The following BHLHE40 variants were observed in gnomAD, a reference collection of about 807,000 sequenced individuals.
BHLHE40 encodes class E basic helix-loop-helix protein 40.
A neutral mutation model predicts 35.7 loss-of-function variants in BHLHE40; 3 were observed. That is an observed-to-expected ratio of 0.08 (90% confidence interval 0.04 to 0.22). The LOEUF (loss-of-function observed/expected upper bound fraction) is 0.22. Ranked by LOEUF, BHLHE40 falls within the 10% of genes least tolerant of loss-of-function variation. BHLHE40 has a pLI of 1.00. For missense variants in BHLHE40, 486 were observed against 524.0 expected (o/e 0.93, Z 0.71); for synonymous variants, 236 against 213.0 (o/e 1.11, Z -0.94).
chr3:4,982,750 C>A, intron 4 of BHLHE40, 86 bp from the exon 5 acceptor site: 2 of 1,502,986 alleles, frequency 1.3e-6, no homozygotes, highest in Non-Finnish European at 1.8e-6. Flanking sequence ...TTAACAAAAA[C>A]TAAAGCACCT....
intron 3 of BHLHE40, 56 bp from the exon 4 acceptor site, chr3:4,981,336 T>C: frequency 6.3e-7 from 1 of 1,575,992 alleles, no homozygotes. Context: ...CTAATAAATG[T>C]CCCAAAGGTG....
chr3:4,982,819 G>A lies in BHLHE40; in HGVS notation c.383-17G>A, dbSNP rs140413407. 1,056 of 1,613,610 alleles carry A rather than the reference G, an allele frequency of 6.5e-4. 3 individuals are homozygous for A. The Middle Eastern group carries it at 9.5e-3, about 14-fold the overall frequency. On this transcript the variant is annotated splice_polypyrimidine_tract_variant and intron_variant, in intron 4 of 4. Transcript: ENST00000256495. The stretch of plus-strand genomic sequence containing the variant: ...AGGCCTTCTGAAACGTTTTCCTTCG[G>A]ATTTTTCTTTCCCCAGGTGAGCTGT...
intron 3 of BHLHE40, 44 bp downstream of exon 3, chr3:4,980,452 G>A: frequency 6.4e-7 from 1 of 1,550,916 alleles, no homozygotes; most frequent in Non-Finnish European, 8.9e-7. Flanking sequence ...CCTTTGCCCA[G>A]AGGGCGGGCG....
In BHLHE40 at chr3:4,984,911, TTATAAA is replaced by T. The variant is rs1202169480; in HGVS notation, c.*1224_*1229del. On this transcript the variant is annotated 3_prime_UTR_variant, in exon 5 of 5. Coordinates refer to ENST00000256495, the MANE Select transcript of BHLHE40 (RefSeq NM_003670.3). ...GTCGTTGCCTTTATTTGTAAAGCTG[TTATAAA>T]TATATATTATATAAATATATTAAAA... 3.3e-5 allele frequency: 5 copies of T among 151,930 alleles called. No individual in the cohort carries two copies. The highest frequency in any genetic ancestry group is 5.9e-5 in the Non-Finnish European group (4 of 67,850). 9.4% of individuals were successfully genotyped at this position (151,930 alleles called of 1,614,324 possible).
rs751666245 is a variant in BHLHE40, at chr3:4,979,811, T to C, written c.80+13T>C. The C allele has an allele frequency of 2.5e-6, 4 of 1,588,656 alleles. No homozygotes were observed. The Admixed American group carries it at 7.1e-5, about 28-fold the overall frequency. On this transcript the variant is annotated intron_variant, in intron 1 of 4. Transcript: ENST00000256495. ...GAGACCTACCAGGGTAAGTTGGCAC[T>C]CCTTGGCCCTTCAAGCCTCAACTGC...
chr3:4,983,203 G>C lies in BHLHE40; in HGVS notation c.750G>C (p.Glu250Asp). The part of the protein sequence containing the change: ...DTDSGYGGES[E>D]KGDLRSEQPC... ...ACAGTGGCTATGGAGGAGAATCGGAGAAGGGCGACTTGCGCAGTGAGCAGC... is the reference window on the plus strand; with the variant it reads ...ACAGTGGCTATGGAGGAGAATCGGACAAGGGCGACTTGCGCAGTGAGCAGC... The change falls in exon 5 of 5, where the codon GAG becomes GAC. Residue 250 changes from glutamate (E) to aspartate (D), a missense_variant. By Grantham distance (45) the Glu-to-Asp change is conservative. Transcript: ENST00000256495. This position sits in a 1 kb window ranked among gnomAD's most constrained non-coding sequence, Gnocchi z 5.0. 1 of 1,614,220 alleles carries C rather than the reference G, an allele frequency of 6.2e-7. No homozygotes were observed. The highest frequency in any genetic ancestry group is 8.5e-7 in the Non-Finnish European group (1 of 1,180,018).
chr3:4,980,165 A>G (rs1439636546), intron 2 of BHLHE40, 134 bp downstream of exon 2: 10 of 1,142,934 alleles, frequency 8.7e-6, no homozygotes, highest in Non-Finnish European at 1.2e-5. Context: ...AGTGACTTGG[A>G]AAAGAAAGGG....
chr3:4,981,574 T>C, intron 4 of BHLHE40, 59 bp downstream of exon 4: 2 of 1,582,254 alleles, frequency 1.3e-6, no homozygotes. Context: ...AGAGAGCCCG[T>C]GGGCTCAACA....
rs1391277994 is a variant in BHLHE40 at position 4,981,377 on chromosome 3, CT to C, written c.259-14del. On this transcript the variant is annotated splice_polypyrimidine_tract_variant and intron_variant, in intron 3 of 4. Transcript: ENST00000256495. ...TCTCTGACCTCACCGCTGACTAAGG[CT>C]CTTTTCCTTCCAGACTTTGGGTCAC... is the stretch of plus-strand genomic sequence containing the variant. The C allele has an allele frequency of 1.2e-6, 2 of 1,613,264 alleles. No homozygotes were observed. The highest frequency in any genetic ancestry group is 8.5e-7 in the Non-Finnish European group (1 of 1,179,600).
In BHLHE40 at chr3:4,983,361, G is replaced by C. The variant is rs548689121; in HGVS notation, c.908G>C (p.Ser303Thr). The C allele has an allele frequency of 1.2e-6, 2 of 1,614,056 alleles. No homozygotes were observed. The highest frequency in any genetic ancestry group is 1.7e-6 in the Non-Finnish European group (2 of 1,180,044). ...TCGGATGATGAAGGCCATTTCACTA[G>C]CAGTGACCTGATCAGCTCCCCGTTC... is the stretch of plus-strand genomic sequence containing the variant. ...QLSDDEGHFTSSDLISSPFLG... is the reference protein window; with the variant it reads ...QLSDDEGHFTTSDLISSPFLG... Residue 303 changes from serine to threonine, a missense_variant, in exon 5 of 5, where the codon AGC becomes ACC. This residue lies in a region of BHLHE40 where 206 missense variants were observed against 208.9 expected (regional missense o/e 0.99). Coordinates refer to ENST00000256495, the MANE Select transcript of BHLHE40 (RefSeq NM_003670.3). The surrounding 1 kb of genome is among the most constrained non-coding windows in gnomAD (Gnocchi z 5.0).
At chr3:4,982,447 A>G (rs2053206384) in intron 4 of BHLHE40, among the ~76,000 whole-genome samples, 1 of 152,156 alleles carries the variant, frequency 6.6e-6, no homozygotes, top group Non-Finnish European at 1.5e-5. Flanking sequence ...CCACGGTGCA[A>G]TGTTGTATGC....
chr3:4,979,862 A>G, intron 1 of BHLHE40, 64 bp downstream of exon 1: 1 of 1,602,616 alleles, frequency 6.2e-7, no homozygotes, highest in South Asian at 1.1e-5. Context: ...GCCACTCTCA[A>G]CTTGGAGCAG....
rs1432604990 is a variant in BHLHE40 at position 4,985,209 on chromosome 3, C to T, written c.*1517C>T. Reference sequence around the variant, plus strand: ...TGGTCTCCTGAGTTTTTTAAAATAGCTCACTTGGTGTGATATGGCTGACTC... The same window carrying T: ...TGGTCTCCTGAGTTTTTTAAAATAGTTCACTTGGTGTGATATGGCTGACTC... On this transcript the variant is annotated 3_prime_UTR_variant, in exon 5 of 5. Transcript: ENST00000256495. The T allele has an allele frequency of 3.2e-4, 49 of 152,526 alleles. No homozygotes were observed. The highest frequency in any genetic ancestry group is 3.2e-3 in the Admixed American group (49 of 15,286). 9.4% of individuals were successfully genotyped at this position (152,526 alleles called of 1,614,324 possible). A position where few individuals can be genotyped will look rare whatever the true frequency, so the allele number is the denominator to read the frequency against.
In BHLHE40 at chr3:4,983,570, G is replaced by A. The variant is rs373649319; in HGVS notation, c.1117G>A (p.Ala373Thr). 146 of 1,613,978 alleles carry A rather than the reference G, an allele frequency of 9.0e-5. No individual in the cohort carries two copies. The highest frequency in any genetic ancestry group is 1.2e-4 in the Non-Finnish European group (140 of 1,180,028). ...CTTCATGAACCCAGACAAGATCTCG[G>A]CTCCCTTGCTCATGCCCCAGAGACT... is the stretch of plus-strand genomic sequence containing the variant. The part of the protein sequence containing the change: ...SSFMNPDKIS[A>T]PLLMPQRLPS... Residue 373 changes from alanine (A) to threonine (T), a missense_variant, in exon 5 of 5, where the codon GCT (alanine) becomes ACT (threonine). Around this residue, in one of 5 missense-constraint regions of BHLHE40, gnomAD observed 206 missense variants for 208.9 expected, o/e 0.99. Coordinates refer to ENST00000256495, the MANE Select transcript of BHLHE40 (RefSeq NM_003670.3). This position sits in a 1 kb window ranked among gnomAD's most constrained non-coding sequence, Gnocchi z 5.0.
In BHLHE40 at chr3:4,980,004, G is replaced by C. The variant is rs779621823; in HGVS notation, c.123G>C (p.Arg41=). 1 of 1,614,160 alleles carries C rather than the reference G, an allele frequency of 6.2e-7. No individual in the cohort carries two copies. The highest frequency in any genetic ancestry group is 2.2e-5 in the East Asian group (1 of 44,882). ...TGTACCAAGTGTACAAGTCAAGACGGGGAATAAAGCGGAGCGAGGACAGCA... is the reference window on the plus strand; with the variant it reads ...TGTACCAAGTGTACAAGTCAAGACGCGGAATAAAGCGGAGCGAGGACAGCA... The part of the protein sequence containing the change: ...AHMYQVYKSR[R]GIKRSEDSKE... The change falls in exon 2 of 5, where the codon CGG becomes CGC. Residue 41 remains arginine (R), a synonymous_variant. Transcript: ENST00000256495.
Position 4,982,916 on chromosome 3 carries a change from C to A in BHLHE40, c.463C>A (p.Gln155Lys). 1.2e-6 allele frequency: 2 copies of A among 1,614,130 alleles called. No homozygotes were observed. The highest frequency in any genetic ancestry group is 1.7e-6 in the Non-Finnish European group (2 of 1,180,022). Residue 155 changes from glutamine to lysine, a missense_variant, in exon 5 of 5, where the codon CAG becomes AAG. By Grantham distance (53) the Gln-to-Lys change is moderately conservative. This residue lies in a region of BHLHE40 where 176 missense variants were observed against 180.5 expected (regional missense o/e 0.98). Coordinates refer to ENST00000256495, the MANE Select transcript of BHLHE40 (RefSeq NM_003670.3). ...CCAGACATGTGCCCGGGAGGTGCTT[C>A]AGTATCTGGCCAAGCACGAGAACAC... ...GFQTCAREVL[Q>K]YLAKHENTRD...
chr3:4,982,919 T>G lies in BHLHE40; in HGVS notation c.466T>G (p.Tyr156Asp). ...GACATGTGCCCGGGAGGTGCTTCAGTATCTGGCCAAGCACGAGAACACTCG... is the reference window on the plus strand; with the variant it reads ...GACATGTGCCCGGGAGGTGCTTCAGGATCTGGCCAAGCACGAGAACACTCG... ...FQTCAREVLQYLAKHENTRDL... is the reference protein window; with the variant it reads ...FQTCAREVLQDLAKHENTRDL... The change falls in exon 5 of 5, where the codon TAT (tyrosine) becomes GAT (aspartate). Residue 156 changes from tyrosine to aspartate, a missense_variant. Tyr to Asp is a radical substitution (Grantham distance 160, BLOSUM62 -3). Coordinates refer to ENST00000256495, the MANE Select transcript of BHLHE40 (RefSeq NM_003670.3). 1 of 1,614,102 alleles carries G rather than the reference T, an allele frequency of 6.2e-7. No homozygotes were observed.
chr3:4,983,848 GTGTGTGTA>G lies in BHLHE40; in HGVS notation c.*161_*168del. 9.9e-7 allele frequency: 1 copy of G among 1,015,108 alleles called. No homozygotes were observed. The highest frequency in any genetic ancestry group is 1.4e-6 in the Non-Finnish European group (1 of 706,692). 62.9% of individuals were successfully genotyped at this position (1,015,108 alleles called of 1,614,324 possible). On this transcript the variant is annotated 3_prime_UTR_variant, in exon 5 of 5. Coordinates refer to ENST00000256495, the MANE Select transcript of BHLHE40 (RefSeq NM_003670.3). This position sits in a 1 kb window ranked among gnomAD's most constrained non-coding sequence, Gnocchi z 5.0. ...ATTCAGGGTGTGTGTGTGTGTGTGT[GTGTGTGTA>G]TGTGCGTGTGCGTGCACATGTGTGC...
rs1158958045 is a variant in BHLHE40, at chr3:4,983,933, AAGG to A, written c.*243_*245del. ...CTCCTTTTGGCATAGGGAAGTCACG[AAGG>A]ATTGCTTGACATCAGGAGACTTGGG... is the stretch of plus-strand genomic sequence containing the variant. On this transcript the variant is annotated 3_prime_UTR_variant, in exon 5 of 5. Coordinates refer to ENST00000256495, the MANE Select transcript of BHLHE40 (RefSeq NM_003670.3). The surrounding 1 kb of genome is among the most constrained non-coding windows in gnomAD (Gnocchi z 5.0). The A allele has an allele frequency of 1.9e-6, 1 of 529,584 alleles. No homozygotes were observed. Among genetic ancestry groups the A allele is most frequent in the African/African-American group, 1.9e-5 (1 of 52,112 alleles). The allele number at this position is 529,584 out of a possible 1,614,324, so 32.8% of individuals were successfully genotyped here. A position where few individuals can be genotyped will look rare whatever the true frequency, so the allele number is the denominator to read the frequency against.
Sources: gnomAD v4.1 joint callset for allele counts (sites outside exome capture counted in the v4.1 genomes callset) on GRCh38, gnomAD v4.1.1 for gene constraint, gnomAD v4.1.1 regional missense constraint, Gnocchi (gnomAD v3.1) non-coding constraint, MANE v1.5 for transcripts, NCBI Gene and HGNC (gene_info 2026-07-23, HGNC 2026-07-21) for gene names.